The following KCNK10 variants were observed in gnomAD, a reference collection of about 807,000 sequenced individuals.
KCNK10 encodes potassium two pore domain channel subfamily K member 10.
In KCNK10, 25 loss-of-function variants were observed where a neutral mutation model predicts 47.7. The observed-to-expected ratio is 0.52, with a 90% CI of 0.38 to 0.73. KCNK10 has a LOEUF of 0.73. KCNK10 is among the 30% of genes least tolerant of loss of function. The probability of loss-of-function intolerance (pLI) is 0.00; values close to 1 mark genes in which losing one functional copy is unlikely to be tolerated. For synonymous variants in KCNK10, 303 were observed against 285.6 expected, an observed-to-expected ratio of 1.06 and a Z score of -0.61; for missense variants, 563 against 714.5, an observed-to-expected ratio of 0.79 and a Z score of 2.42.
chr14:88,222,007 C>T (rs1034280632), intron 4 of KCNK10, among the ~76,000 whole-genome samples: 4 of 152,198 alleles, frequency 2.6e-5, no homozygotes, highest in Non-Finnish European at 5.9e-5. Flanking sequence ...TTTCACGCTG[C>T]TGATAAAGAC....
chr14:88,188,084 C>A lies in KCNK10; in HGVS notation c.894G>T (p.Arg298=). The change falls in exon 6 of 7, where the codon CGG becomes CGT. Residue 298 remains arginine (R), a synonymous_variant. Transcript: ENST00000319231. ...VAGGNAGINY[R]EWYKPLVWFW... ...ACCACACTAGGGGCTTATACCACTC[C>A]CGATAATTGATGCCAGCGTTTCCCC... The A allele has an allele frequency of 6.2e-7, 1 of 1,614,182 alleles. No individual in the cohort carries two copies. Among genetic ancestry groups the A allele is most frequent in the Non-Finnish European group, 8.5e-7 (1 of 1,180,020 alleles).
upstream of KCNK10, among the ~76,000 whole-genome samples, chr14:88,324,765 T>C (rs1020527680): frequency 5.9e-5 from 9 of 152,196 alleles, no homozygotes; most frequent in Non-Finnish European, 1.3e-4. Context: ...CTACGGCACC[T>C]TGAGGCTTCT....
At chr14:88,201,726 A>G (rs1035452150) in intron 4 of KCNK10, among the ~76,000 whole-genome samples, 6 of 152,220 alleles carry the variant, frequency 3.9e-5, no homozygotes, top group African/African-American at 1.4e-4. Flanking sequence ...TGCATAATAA[A>G]TGTCCTGGCT....
At chr14:88,203,238 T>C (rs1223858609) in intron 4 of KCNK10, among the ~76,000 whole-genome samples, 1 of 152,226 alleles carries the variant, frequency 6.6e-6, no homozygotes, top group Non-Finnish European at 1.5e-5. Context: ...CCGGGACCAG[T>C]TCCATGGTGT....
At chr14:88,297,628 A>G (rs1378121354) in intron 1 of KCNK10, among the ~76,000 whole-genome samples, 7 of 152,140 alleles carry the variant, frequency 4.6e-5, no homozygotes, top group South Asian at 2.1e-4. Context: ...CACTTAACCA[A>G]TCCCAGTGAT....
rs1178997367 is a variant in KCNK10 at position 88,184,337 on chromosome 14, A to C, written c.*1198T>G. The C allele has an allele frequency of 6.6e-6, 1 of 152,332 alleles. No homozygotes were observed. Among genetic ancestry groups the C allele is most frequent in the East Asian group, 1.9e-4 (1 of 5,306 alleles). 9.4% of individuals were successfully genotyped at this position (152,332 alleles called of 1,614,324 possible). A position where few individuals can be genotyped will look rare whatever the true frequency, so the allele number is the denominator to read the frequency against. On this transcript the variant is annotated 3_prime_UTR_variant, in exon 7 of 7. Transcript: ENST00000319231. Reference sequence around the variant, plus strand: ...AAGGAATGCCCAAACATAAAAGTAAAATGAAATATTTTAAATATTTCTAAG... The same window carrying C: ...AAGGAATGCCCAAACATAAAAGTAACATGAAATATTTTAAATATTTCTAAG...
intron 1 of KCNK10, among the ~76,000 whole-genome samples, chr14:88,297,589 TTGTC>T (rs1399767609): frequency 6.6e-6 from 1 of 152,180 alleles, no homozygotes; most frequent in African/African-American, 2.4e-5. Context: ...GTACCCTAAA[TTGTC>T]TGTCGACTTC....
intron 4 of KCNK10, among the ~76,000 whole-genome samples, chr14:88,196,352 C>G (rs1391238961): frequency 6.6e-6 from 1 of 152,186 alleles, no homozygotes; most frequent in Non-Finnish European, 1.5e-5. Context: ...TATGGACTGA[C>G]AATTCGGGAA....
At chr14:88,229,475 G>GTATTATTAT (rs33913726) in intron 3 of KCNK10, among the ~76,000 whole-genome samples, 10 of 151,284 alleles carry the variant, frequency 6.6e-5, no homozygotes, top group African/African-American at 2.4e-4. Flanking sequence ...CCAATGCAAA[G>GTATTATTAT]TATTATTATT....
intron 1 of KCNK10, among the ~76,000 whole-genome samples, chr14:88,292,068 C>T (rs1313251130): frequency 6.6e-6 from 1 of 152,198 alleles, no homozygotes; most frequent in Non-Finnish European, 1.5e-5. Context: ...TGGCCAAGAA[C>T]TCACAAAAGC....
In KCNK10 at chr14:88,181,607, C is replaced by T. The variant is rs1884358986; in HGVS notation, c.*3928G>A. The T allele has an allele frequency of 6.6e-6, 1 of 152,140 alleles. No homozygotes were observed. The highest frequency in any genetic ancestry group is 1.5e-5 in the Non-Finnish European group (1 of 68,026). The allele number at this position is 152,140 out of a possible 1,614,324, so 9.4% of individuals were successfully genotyped here. A position where few individuals can be genotyped will look rare whatever the true frequency, so the allele number is the denominator to read the frequency against. On this transcript the variant is annotated 3_prime_UTR_variant, in exon 7 of 7. Transcript: ENST00000319231. ...CTCCCGGTGACAGTACACTAAAGAG[C>T]TATAAGGGAGGATAGAGAGAGCCTA...
At chr14:88,295,097 T>G (rs183981340) in intron 1 of KCNK10, among the ~76,000 whole-genome samples, 48 of 152,348 alleles carry the variant, frequency 3.2e-4, no homozygotes, top group Non-Finnish European at 6.0e-4. Context: ...TGATGACAAG[T>G]ACAGCCGTGA....
At chr14:88,301,034 T>C (rs1234968922) in intron 1 of KCNK10, among the ~76,000 whole-genome samples, 1 of 152,182 alleles carries the variant, frequency 6.6e-6, no homozygotes, top group Non-Finnish European at 1.5e-5. Context: ...TCCAGGACCT[T>C]GTGGAAATTT....
chr14:88,313,451 G>T (rs1287085558), intron 1 of KCNK10, among the ~76,000 whole-genome samples: 1 of 152,212 alleles, frequency 6.6e-6, no homozygotes, highest in African/African-American at 2.4e-5. Context: ...GTCATAAAAA[G>T]TGTTGCCAAT....
chr14:88,235,197 TACCCTGACTC>T (rs1420155081), intron 3 of KCNK10: 1 of 456,678 alleles, frequency 2.2e-6, no homozygotes, highest in Non-Finnish European at 4.4e-6. Flanking sequence ...TGGAAGGTGG[TACCCTGACTC>T]ACCCTGCTCT....
chr14:88,210,600 G>T (rs1013796768), intron 4 of KCNK10, among the ~76,000 whole-genome samples: 51 of 152,134 alleles, frequency 3.4e-4, no homozygotes. Flanking sequence ...CCAGCTCTGC[G>T]CACAGGGCCC....
In KCNK10 at chr14:88,316,210, C is replaced by T. The variant is rs374946077; in HGVS notation, c.52+6537G>A. Among the ~76,000 whole-genome samples, 688 of 152,208 alleles carry T rather than the reference C, an allele frequency of 4.5e-3. 2 individuals are homozygous for T. The highest frequency in any genetic ancestry group is 0.034 in the South Asian group (163 of 4,824). ...CAATGCTCCCTCATGACCGTGCCCT[C>T]CCCTGCCAGTGATTATGACCCTTAC... On this transcript the variant is annotated intron_variant, in intron 1 of 6. Transcript: ENST00000319231.
chr14:88,286,136 C>G (rs1436122359), intron 1 of KCNK10, among the ~76,000 whole-genome samples: 1 of 152,104 alleles, frequency 6.6e-6, no homozygotes, highest in East Asian at 1.9e-4. Context: ...AATCAACCAC[C>G]AGTCACATGA....
chr14:88,311,386 G>A (rs1281917717), intron 1 of KCNK10, among the ~76,000 whole-genome samples: 1 of 152,090 alleles, frequency 6.6e-6, no homozygotes, highest in Non-Finnish European at 1.5e-5. Flanking sequence ...TACATGACCT[G>A]AGCATCACCC....
Sources: allele counts gnomAD v4.1 joint callset (sites outside exome capture counted in the v4.1 genomes callset), GRCh38; gene constraint gnomAD v4.1.1; transcripts MANE v1.5; gene names NCBI Gene and HGNC (gene_info 2026-07-23, HGNC 2026-07-21).